FERRY3: variants seen among roughly 807,000 people sequenced by gnomAD.
FERRY3 encodes the protein protein C12orf4.
the FERRY3 span, among the ~76,000 whole-genome samples, chr12:4,506,052 ATAAAT>A: frequency 6.6e-6 from 1 of 152,162 alleles, no homozygotes. Context: ...TCTTAGAAGA[ATAAAT>A]AAAATAAACA....
chr12:4,501,606 G>A, the FERRY3 span, among the ~76,000 whole-genome samples: 2 of 152,120 alleles, frequency 1.3e-5, no homozygotes, highest in Non-Finnish European at 2.9e-5. Flanking sequence ...TAGGTTGCGT[G>A]CTCCTTATGA....
the FERRY3 span, chr12:4,525,699 G>T: frequency 1.4e-6 from 1 of 728,420 alleles, no homozygotes; most frequent in Non-Finnish European, 2.2e-6. Context: ...TTATAGAAAT[G>T]TGTCCAGGAA....
chr12:4,525,373 G>A, the FERRY3 span: 76 of 1,612,356 alleles, frequency 4.7e-5, 2 homozygotes, highest in Middle Eastern at 2.1e-3. Flanking sequence ...TATTTTCTAG[G>A]TCCTAAAAGA....
At chr12:4,517,393 A>G in the FERRY3 span, among the ~76,000 whole-genome samples, 2 of 152,100 alleles carry the variant, frequency 1.3e-5, no homozygotes, top group Non-Finnish European at 2.9e-5. Context: ...CTAACACTCA[A>G]AAGAGTTAAT....
At chr12:4,517,391 C>T in the FERRY3 span, among the ~76,000 whole-genome samples, 1 of 151,986 alleles carries the variant, frequency 6.6e-6, no homozygotes, top group African/African-American at 2.4e-5. Flanking sequence ...CTCTAACACT[C>T]AAAAGAGTTA....
the FERRY3 span, among the ~76,000 whole-genome samples, chr12:4,527,666 G>A: frequency 2.0e-5 from 3 of 152,206 alleles, no homozygotes; most frequent in African/African-American, 4.8e-5. Context: ...CTTACCTTAA[G>A]TCATACTGTT....
the FERRY3 span, among the ~76,000 whole-genome samples, chr12:4,524,309 G>A: frequency 6.6e-6 from 1 of 152,184 alleles, no homozygotes; most frequent in Middle Eastern, 3.4e-3. Context: ...ATGGTTCATA[G>A]CAGGCTGCAA....
At chr12:4,519,808 T>A in the FERRY3 span, among the ~76,000 whole-genome samples, 1 of 152,208 alleles carries the variant, frequency 6.6e-6, no homozygotes, top group South Asian at 2.1e-4. The surrounding 1 kb of genome is among the most constrained non-coding windows in gnomAD (Gnocchi z 4.3). Flanking sequence ...GAACTGCGCA[T>A]GCAAGCGATC....
chr12:4,497,091 A>G, the FERRY3 span, among the ~76,000 whole-genome samples: 1 of 152,208 alleles, frequency 6.6e-6, no homozygotes, highest in Non-Finnish European at 1.5e-5. Context: ...TGGAATGTTC[A>G]TAGCAATACT....
At chr12:4,515,050 T>C in the FERRY3 span, among the ~76,000 whole-genome samples, 1 of 152,154 alleles carries the variant, frequency 6.6e-6, no homozygotes, top group Non-Finnish European at 1.5e-5. Context: ...CTACACATTG[T>C]GCACATGTAC....
the FERRY3 span, chr12:4,530,048 G>T: frequency 6.2e-7 from 1 of 1,607,586 alleles, no homozygotes. Flanking sequence ...GCTCTAACGT[G>T]GTCTACAAGA....
At chr12:4,524,102 A>G in the FERRY3 span, among the ~76,000 whole-genome samples, 1 of 151,974 alleles carries the variant, frequency 6.6e-6, no homozygotes, top group Non-Finnish European at 1.5e-5. Flanking sequence ...TCATAAAGGG[A>G]TAACTTTCAC....
the FERRY3 span, among the ~76,000 whole-genome samples, chr12:4,496,985 C>T: frequency 6.6e-6 from 1 of 152,142 alleles, no homozygotes; most frequent in African/African-American, 2.4e-5. Flanking sequence ...GGCATATCTA[C>T]CAAAGCTAAA....
chr12:4,509,895 G>A, the FERRY3 span, among the ~76,000 whole-genome samples: 1 of 140,616 alleles, frequency 7.1e-6, no homozygotes, highest in Non-Finnish European at 1.5e-5. Context: ...AAAGCTGGAT[G>A]GAGAATGACT....
At chr12:4,500,417 G>A in the FERRY3 span, 6 of 1,289,018 alleles carry the variant, frequency 4.7e-6, no homozygotes, top group South Asian at 1.3e-5. Flanking sequence ...ATAAGTAAGT[G>A]TAATGGGCAA....
At chr12:4,500,471 G>A in the FERRY3 span, 7 of 739,196 alleles carry the variant, frequency 9.5e-6, no homozygotes, top group Admixed American at 2.5e-5. Flanking sequence ...ACATTTACTG[G>A]ATTCAGGAAG....
chr12:4,529,521 T>A, the FERRY3 span, among the ~76,000 whole-genome samples: 1 of 152,140 alleles, frequency 6.6e-6, no homozygotes, highest in African/African-American at 2.4e-5. Context: ...GAAATAATAG[T>A]AGGGTTATGG....
the FERRY3 span, among the ~76,000 whole-genome samples, chr12:4,511,750 G>A: frequency 6.9e-6 from 1 of 144,824 alleles, no homozygotes; most frequent in African/African-American, 2.7e-5. Context: ...GTGTGTAGAG[G>A]GAAATTTATA....
At chr12:4,508,409 C>A in the FERRY3 span, among the ~76,000 whole-genome samples, 1 of 152,222 alleles carries the variant, frequency 6.6e-6, no homozygotes, top group Admixed American at 6.5e-5. Flanking sequence ...AAGCTTACCA[C>A]ATTTTATTTC....
Sources: allele counts gnomAD v4.1 joint callset (sites outside exome capture counted in the v4.1 genomes callset), GRCh38; gene constraint gnomAD v4.1.1; non-coding constraint Gnocchi (gnomAD v3.1); transcripts MANE v1.5; gene names NCBI Gene and HGNC (gene_info 2026-07-23, HGNC 2026-07-21).